GOLGA7B: variants seen among roughly 807,000 people sequenced by gnomAD.
GOLGA7B encodes the protein golgin subfamily A member 7B.
In GOLGA7B, 17 loss-of-function variants were observed where a neutral mutation model predicts 21.5. The observed-to-expected ratio is 0.79, with a 90% CI of 0.54 to 1.19. The LOEUF (loss-of-function observed/expected upper bound fraction) is 1.19. Ranked by LOEUF, GOLGA7B falls within the 50% of genes most tolerant of loss-of-function variation. GOLGA7B has a pLI of 0.00. For synonymous variants in GOLGA7B, 87 were observed against 84.0 expected, an observed-to-expected ratio of 1.04 and a Z score of -0.19; for missense variants, 169 against 224.4, an observed-to-expected ratio of 0.75 and a Z score of 1.58.
intron 1 of GOLGA7B, 108 bp downstream of exon 1, chr10:97,850,423 G>T: frequency 2.1e-6 from 2 of 944,824 alleles, no homozygotes; most frequent in Non-Finnish European, 1.5e-6. Context: ...GTGGGATGGG[G>T]TGATTCCCCA....
chr10:97,852,654 A>T (rs997204460), intron 1 of GOLGA7B, among the ~76,000 whole-genome samples: 3 of 149,748 alleles, frequency 2.0e-5, no homozygotes, highest in African/African-American at 7.4e-5. Flanking sequence ...CTCAATAGGA[A>T]CTCCTCAGCT....
At chr10:97,862,288 C>T (rs2049976045) in intron 2 of GOLGA7B, among the ~76,000 whole-genome samples, 1 of 152,144 alleles carries the variant, frequency 6.6e-6, no homozygotes, top group African/African-American at 2.4e-5. Context: ...CAAGCAAATA[C>T]AGTTGACCCT....
At position 97,869,844 on chromosome 10, in the gene GOLGA7B, C is replaced by T. The variant is rs2050071919; in HGVS notation, c.*4144C>T. 1 of 152,280 alleles carries T rather than the reference C, an allele frequency of 6.6e-6. No homozygotes were observed. The highest frequency in any genetic ancestry group is 1.5e-5 in the Non-Finnish European group (1 of 68,094). The allele number at this position is 152,280 out of a possible 1,614,324, so 9.4% of individuals were successfully genotyped here. A position where few individuals can be genotyped will look rare whatever the true frequency, so the allele number is the denominator to read the frequency against. ...CTGTCGAGCCTGGGAAACTCCACATCCCTCTCCACACCTCTAGAAGGACTC... is the reference window on the plus strand; with the variant it reads ...CTGTCGAGCCTGGGAAACTCCACATTCCTCTCCACACCTCTAGAAGGACTC... On this transcript the variant is annotated 3_prime_UTR_variant, in exon 5 of 5. Coordinates refer to ENST00000370602, the MANE Select transcript of GOLGA7B (RefSeq NM_001010917.3).
In GOLGA7B at chr10:97,866,338, C is replaced by A. The variant is rs773358758; in HGVS notation, c.*638C>A. 6.6e-6 allele frequency: 1 copy of A among 152,296 alleles called. No homozygotes were observed. The highest frequency in any genetic ancestry group is 1.5e-5 in the Non-Finnish European group (1 of 68,132). 9.4% of individuals were successfully genotyped at this position (152,296 alleles called of 1,614,324 possible). A position where few individuals can be genotyped will look rare whatever the true frequency, so the allele number is the denominator to read the frequency against. The stretch of plus-strand genomic sequence containing the variant: ...AGAGCTAGAGGCCAGCTCGGCCTTG[C>A]GAGAAGCATCCAACTTTGAGACTTT... On this transcript the variant is annotated 3_prime_UTR_variant, in exon 5 of 5. Transcript: ENST00000370602.
At chr10:97,858,051 C>T (rs2049947246) in intron 1 of GOLGA7B, among the ~76,000 whole-genome samples, 1 of 152,180 alleles carries the variant, frequency 6.6e-6, no homozygotes, top group South Asian at 2.1e-4. Flanking sequence ...AAATCTGCCT[C>T]TAGTAGACCA....
intron 1 of GOLGA7B, among the ~76,000 whole-genome samples, chr10:97,857,464 A>G (rs1322349148): frequency 6.6e-6 from 1 of 152,154 alleles, no homozygotes; most frequent in Non-Finnish European, 1.5e-5. Flanking sequence ...GATGAAAGAA[A>G]TCGTAGATAA....
rs1393453223 is a variant in GOLGA7B, at chr10:97,859,569, G to A, written c.124G>A (p.Glu42Lys). The change falls in exon 2 of 5, where the codon GAG becomes AAG. Residue 42 changes from glutamate to lysine, a missense_variant. Glu to Lys is a moderately conservative substitution (Grantham distance 56). Coordinates refer to ENST00000370602, the MANE Select transcript of GOLGA7B (RefSeq NM_001010917.3). Reference protein sequence around the residue: ...ICQFQTKFPPELDSRIERQLF... With the variant: ...ICQFQTKFPPKLDSRIERQLF... ...TCAGTTCCAGACCAAATTCCCCCCA[G>A]AGCTGGACAGCCGGGTAAGGATGCC... is the stretch of plus-strand genomic sequence containing the variant. 1 of 1,614,102 alleles carries A rather than the reference G, an allele frequency of 6.2e-7. No homozygotes were observed. The highest frequency in any genetic ancestry group is 2.2e-5 in the East Asian group (1 of 44,882).
chr10:97,855,726 A>G (rs528683457), intron 1 of GOLGA7B, among the ~76,000 whole-genome samples: 15 of 152,358 alleles, frequency 9.8e-5, no homozygotes, highest in Non-Finnish European at 2.1e-4. Context: ...AACCTTAACC[A>G]GAGCAGACAT....
intron 2 of GOLGA7B, among the ~76,000 whole-genome samples, chr10:97,862,133 A>G (rs2049975258): frequency 6.6e-6 from 1 of 152,232 alleles, no homozygotes; most frequent in African/African-American, 2.4e-5. Context: ...CACAGTGAAG[A>G]GCACAGACTG....
chr10:97,859,183 T>C (rs2049955207), intron 1 of GOLGA7B, among the ~76,000 whole-genome samples: 1 of 152,342 alleles, frequency 6.6e-6, no homozygotes, highest in Non-Finnish European at 1.5e-5. Flanking sequence ...CCTCCCAAAG[T>C]GCTGGGATTA....
intron 1 of GOLGA7B, among the ~76,000 whole-genome samples, chr10:97,859,063 A>AT (rs1484649565): frequency 3.2e-4 from 49 of 152,288 alleles, no homozygotes; most frequent in African/African-American, 2.4e-5. Flanking sequence ...CTTGTTAAAA[A>AT]TTTTTTTAGA....
chr10:97,864,406 C>T (rs1007228105), intron 4 of GOLGA7B, 137 bp downstream of exon 4: 3 of 651,836 alleles, frequency 4.6e-6, no homozygotes, highest in African/African-American at 3.7e-5. Flanking sequence ...CAGTGGTCCT[C>T]AGCCCTCCTC....
In GOLGA7B at chr10:97,871,431, T is replaced by C. The variant is rs530623582; in HGVS notation, c.*5731T>C. 3 of 152,308 alleles carry C rather than the reference T, an allele frequency of 2.0e-5. No individual in the cohort carries two copies. The highest frequency in any genetic ancestry group is 7.2e-5 in the African/African-American group (3 of 41,574). The allele number at this position is 152,308 out of a possible 1,614,324, so 9.4% of individuals were successfully genotyped here. ...TCATCTGTTTCTCCAATGTAAGATA[T>C]TGTTATTGCAGAAGTGATACTAGGA... On this transcript the variant is annotated 3_prime_UTR_variant, in exon 5 of 5. Coordinates refer to ENST00000370602, the MANE Select transcript of GOLGA7B (RefSeq NM_001010917.3).
intron 1 of GOLGA7B, among the ~76,000 whole-genome samples, chr10:97,853,528 A>C (rs1159191377): frequency 6.6e-6 from 1 of 152,148 alleles, no homozygotes; most frequent in African/African-American, 2.4e-5. Flanking sequence ...TGCAGTTTGA[A>C]AATTGGTACC....
intron 1 of GOLGA7B, among the ~76,000 whole-genome samples, chr10:97,850,711 CA>C (rs1051086713): frequency 6.6e-6 from 1 of 152,154 alleles, no homozygotes; most frequent in Non-Finnish European, 1.5e-5. Context: ...CTTCTGAACC[CA>C]AAAGCTTGGC....
At position 97,861,314 on chromosome 10, in the gene GOLGA7B, A is replaced by G. The variant is rs2049969845; in HGVS notation, c.138+1731A>G. ...AGGACTCTTATTTTCTTGCTGACAC[A>G]ATTGCATCTTTTGTGGGTACAGATC... On this transcript the variant is annotated intron_variant, in intron 2 of 4. Coordinates refer to ENST00000370602, the MANE Select transcript of GOLGA7B (RefSeq NM_001010917.3). Among the ~76,000 whole-genome samples the G allele has an allele frequency of 2.6e-5, 4 of 152,198 alleles. No individual in the cohort carries two copies. The South Asian group carries it at 8.3e-4, about 31-fold the overall frequency.
Position 97,864,230 on chromosome 10 carries a change from C to T in GOLGA7B, c.354C>T (p.Gly118=). The change falls in exon 4 of 5, where the codon GGC becomes GGT. Residue 118 remains glycine, a synonymous_variant. Transcript: ENST00000370602. Reference sequence around the variant, plus strand: ...ATGAGAAGATCTTTGCACCTCGAGGCCTCCTACTTACAGACCCTGTGGAGC... The same window carrying T: ...ATGAGAAGATCTTTGCACCTCGAGGTCTCCTACTTACAGACCCTGTGGAGC... ...EQNEKIFAPR[G]LLLTDPVERG... 1 of 1,614,168 alleles carries T rather than the reference C, an allele frequency of 6.2e-7. No homozygotes were observed. Among genetic ancestry groups the T allele is most frequent in the Non-Finnish European group, 8.5e-7 (1 of 1,180,008 alleles).
rs2050026360 is a variant in GOLGA7B, at chr10:97,866,470, C to G, written c.*770C>G. On this transcript the variant is annotated 3_prime_UTR_variant, in exon 5 of 5. Transcript: ENST00000370602. ...AGACATAGCCATGCGGGGCCTGAAT[C>G]TCCTGAACTACAGCCAGTTTCCTGA... 6.6e-6 allele frequency: 1 copy of G among 152,244 alleles called. No homozygotes were observed. The highest frequency in any genetic ancestry group is 2.1e-4 in the South Asian group (1 of 4,828). The allele number at this position is 152,244 out of a possible 1,614,324, so 9.4% of individuals were successfully genotyped here. A position where few individuals can be genotyped will look rare whatever the true frequency, so the allele number is the denominator to read the frequency against.
At chr10:97,864,378 T>C (rs1382615807) in intron 4 of GOLGA7B, 109 bp downstream of exon 4, 9 of 784,740 alleles carry the variant, frequency 1.1e-5, no homozygotes, top group Admixed American at 7.0e-5. Flanking sequence ...ACTCAGGTTT[T>C]CCCAGGATTC....
Sources: allele counts gnomAD v4.1 joint callset (sites outside exome capture counted in the v4.1 genomes callset), GRCh38; gene constraint gnomAD v4.1.1; transcripts MANE v1.5; gene names NCBI Gene and HGNC (gene_info 2026-07-23, HGNC 2026-07-21).